ZBTB16: variants seen among roughly 807,000 people sequenced by gnomAD.
ZBTB16 encodes the protein zinc finger and BTB domain containing 16.
ZBTB16 carries 8 observed loss-of-function variants against 56.8 expected under a neutral mutation model. The ratio of observed to expected loss-of-function variants is 0.14; its 90% confidence interval spans 0.08 to 0.25. The LOEUF is 0.25. Ranked by LOEUF, ZBTB16 falls within the 10% of genes least tolerant of loss-of-function variation. The pLI is 1.00. For missense variants in ZBTB16, 625 were observed against 903.0 expected (o/e 0.69, Z 3.95); for synonymous variants, 363 against 368.5 (o/e 0.98, Z 0.17).
chr11:114,147,918 C>T (rs1026128601), intron 2 of ZBTB16, among the ~76,000 whole-genome samples: 2 of 152,008 alleles, frequency 1.3e-5, no homozygotes, highest in Admixed American at 1.3e-4. Context: ...AGATTGTGTG[C>T]GATAAGATCA....
chr11:114,146,847 T>C, intron 2 of ZBTB16, among the ~76,000 whole-genome samples: 1 of 72,420 alleles, frequency 1.4e-5, no homozygotes. Flanking sequence ...AGATTCTGTC[T>C]CAAAAAAAAA....
chr11:114,210,162 A>ATT (rs1943966288), intron 4 of ZBTB16, among the ~76,000 whole-genome samples: 1 of 134,642 alleles, frequency 7.4e-6, no homozygotes, highest in Admixed American at 7.5e-5. Context: ...AGCCAAAGCT[A>ATT]GTGTGTGTGT....
chr11:114,209,339 T>TG, intron 4 of ZBTB16: 2 of 977,850 alleles, frequency 2.0e-6, no homozygotes, highest in Non-Finnish European at 2.4e-6. Flanking sequence ...CTGTTACTAA[T>TG]CCCGTTCCTT....
intron 4 of ZBTB16, among the ~76,000 whole-genome samples, chr11:114,196,956 C>T (rs1417401307): frequency 6.6e-6 from 1 of 152,070 alleles, no homozygotes; most frequent in Non-Finnish European, 1.5e-5. Context: ...GGCTTCTGTA[C>T]CCCAGAGCCC....
At chr11:114,066,485 G>A (rs745804969) in intron 2 of ZBTB16, among the ~76,000 whole-genome samples, 2 of 152,092 alleles carry the variant, frequency 1.3e-5, no homozygotes, top group African/African-American at 2.4e-5. Context: ...GAATTATTTC[G>A]GCTGTGTGCT....
chr11:114,073,426 T>C (rs1484306639), intron 2 of ZBTB16, among the ~76,000 whole-genome samples: 1 of 152,208 alleles, frequency 6.6e-6, no homozygotes. Flanking sequence ...CTTTCTACTG[T>C]TTCCCCTTAA....
Position 114,250,980 on chromosome 11 carries a change from G to A in ZBTB16, c.*425G>A, listed in dbSNP as rs1387214751. ...ACCCCCAGGAGATGAAGGGAGGGAGGAGGTGAGCCAGAAGGGCGCTCCCCT... is the reference window on the plus strand; with the variant it reads ...ACCCCCAGGAGATGAAGGGAGGGAGAAGGTGAGCCAGAAGGGCGCTCCCCT... On this transcript the variant is annotated 3_prime_UTR_variant, in exon 7 of 7. Transcript: ENST00000335953. The surrounding 1 kb of genome is among the most constrained non-coding windows in gnomAD (Gnocchi z 6.0). Among the ~76,000 whole-genome samples, 1 of 152,122 alleles carries A rather than the reference G, an allele frequency of 6.6e-6. No homozygotes were observed. Among genetic ancestry groups the A allele is most frequent in the Non-Finnish European group, 1.5e-5 (1 of 68,020 alleles).
At position 114,143,046 on chromosome 11, in the gene ZBTB16, G is replaced by A. The variant is rs141605736; in HGVS notation, c.1269-13291G>A. ...TGGGGAAATAAAGCCCCTGGCCAGC[G>A]TTGGTTTCTCTGCTGCCTTGGTGAG... On this transcript the variant is annotated intron_variant, in intron 2 of 6. Coordinates refer to ENST00000335953, the MANE Select transcript of ZBTB16 (RefSeq NM_006006.6). This position sits in a 1 kb window ranked among gnomAD's most constrained non-coding sequence, Gnocchi z 6.4. 1.0e-3 allele frequency among the ~76,000 whole-genome samples: 154 copies of A among 152,298 alleles called. 1 individual carries two copies. Among genetic ancestry groups the A allele is most frequent in the Admixed American group, 5.0e-3 (76 of 15,298 alleles).
At chr11:114,076,303 A>G (rs1168207059) in intron 2 of ZBTB16, among the ~76,000 whole-genome samples, 2 of 152,230 alleles carry the variant, frequency 1.3e-5, no homozygotes, top group African/African-American at 2.4e-5. Flanking sequence ...CCGAAGGACT[A>G]GAGTGGCCAG....
chr11:114,207,386 G>C (rs953910505), intron 4 of ZBTB16, among the ~76,000 whole-genome samples: 16 of 152,160 alleles, frequency 1.1e-4, no homozygotes, highest in African/African-American at 3.9e-4. Context: ...TGAATTTCCA[G>C]ATGGGATAAG....
intron 4 of ZBTB16, among the ~76,000 whole-genome samples, chr11:114,227,635 G>T (rs1303945270): frequency 6.6e-6 from 1 of 152,152 alleles, no homozygotes; most frequent in Non-Finnish European, 1.5e-5. Context: ...TCTAAGTCTT[G>T]TGGGTGTCAC....
At chr11:114,156,840 C>A (rs530603823) in intron 3 of ZBTB16, among the ~76,000 whole-genome samples, 1 of 152,196 alleles carries the variant, frequency 6.6e-6, no homozygotes, top group Non-Finnish European at 1.5e-5. Context: ...CTGGTTATAG[C>A]GTGCTGTCTT....
At chr11:114,075,576 C>A (rs1939526849) in intron 2 of ZBTB16, among the ~76,000 whole-genome samples, 1 of 151,186 alleles carries the variant, frequency 6.6e-6, no homozygotes, top group South Asian at 2.1e-4. Context: ...CGTGCCTCAG[C>A]CTCCCAAGTA....
At chr11:114,133,637 A>G (rs1271933473) in intron 2 of ZBTB16, among the ~76,000 whole-genome samples, 1 of 152,064 alleles carries the variant, frequency 6.6e-6, no homozygotes, top group Non-Finnish European at 1.5e-5. Context: ...CCCACGCATA[A>G]GGCAGGAAAA....
At position 114,143,972 on chromosome 11, in the gene ZBTB16, T is replaced by C. The variant is rs577758396; in HGVS notation, c.1269-12365T>C. Among the ~76,000 whole-genome samples the C allele has an allele frequency of 6.6e-6, 1 of 152,148 alleles. No individual in the cohort carries two copies. Among genetic ancestry groups the C allele is most frequent in the Non-Finnish European group, 1.5e-5 (1 of 68,016 alleles). Reference sequence around the variant, plus strand: ...CCTGTGTGCTCGGGAGCCTTGCGTGTAAGGAGCAAGAGGAGCACGCAAGCT... The same window carrying C: ...CCTGTGTGCTCGGGAGCCTTGCGTGCAAGGAGCAAGAGGAGCACGCAAGCT... On this transcript the variant is annotated intron_variant, in intron 2 of 6. Transcript: ENST00000335953. The surrounding 1 kb of genome is among the most constrained non-coding windows in gnomAD (Gnocchi z 6.4).
At position 114,059,760 on chromosome 11, in the gene ZBTB16, C is replaced by A. The variant is rs1938747266; in HGVS notation, c.-213C>A. The A allele has an allele frequency of 7.5e-6, 3 of 398,366 alleles. No individual in the cohort carries two copies. The highest frequency in any genetic ancestry group is 3.6e-5 in the East Asian group (1 of 28,040). 24.7% of individuals were successfully genotyped at this position (398,366 alleles called of 1,614,324 possible). On this transcript the variant is annotated 5_prime_UTR_variant, in exon 1 of 7. Coordinates refer to ENST00000335953, the MANE Select transcript of ZBTB16 (RefSeq NM_006006.6). This position sits in a 1 kb window ranked among gnomAD's most constrained non-coding sequence, Gnocchi z 5.3. ...AGAGCGGGTACTGCGAACTGCCGGG[C>A]GATGCTGTCGCTGCCGCCGTGATAC...
chr11:114,240,718 G>A lies in ZBTB16; in HGVS notation c.1454-1449G>A, dbSNP rs12282322. On this transcript the variant is annotated intron_variant, in intron 4 of 6. Coordinates refer to ENST00000335953, the MANE Select transcript of ZBTB16 (RefSeq NM_006006.6). ...CTGTGGTGCTGCAGCTGGAAATTTCGGCCATGGCTCCAGAGCAGTGTCAGA... is the reference window on the plus strand; with the variant it reads ...CTGTGGTGCTGCAGCTGGAAATTTCAGCCATGGCTCCAGAGCAGTGTCAGA... Among the ~76,000 whole-genome samples the A allele has an allele frequency of 9.3e-3, 1,420 of 152,228 alleles. 14 individuals carry two copies. The highest frequency in any genetic ancestry group is 0.032 in the African/African-American group (1,338 of 41,520).
chr11:114,233,841 T>A (rs1944506849), intron 4 of ZBTB16, among the ~76,000 whole-genome samples: 2 of 152,232 alleles, frequency 1.3e-5, no homozygotes, highest in African/African-American at 4.8e-5. Flanking sequence ...AGTAATGAAA[T>A]GCACTTGTGT....
At chr11:114,186,107 A>G (rs115323358) in intron 3 of ZBTB16, among the ~76,000 whole-genome samples, 1,777 of 152,284 alleles carry the variant, frequency 0.012, 37 homozygotes, top group African/African-American at 0.037. Flanking sequence ...ATCAGGTGCT[A>G]TGGGAGCATA....
Sources: gnomAD v4.1 joint callset for allele counts (sites outside exome capture counted in the v4.1 genomes callset) on GRCh38, gnomAD v4.1.1 for gene constraint, Gnocchi (gnomAD v3.1) non-coding constraint, MANE v1.5 for transcripts, NCBI Gene and HGNC (gene_info 2026-07-23, HGNC 2026-07-21) for gene names.